Variants in SMARCA4 observed in about 807,000 individuals in gnomAD.
SMARCA4 encodes SWI/SNF related BAF chromatin remodeling complex subunit ATPase 4, also known as SWI/SNF-related matrix-associated actin-dependent regulator of chromatin subfamily A member 4.
SMARCA4 carries 31 observed loss-of-function variants against 193.9 expected under a neutral mutation model. The observed-to-expected ratio is 0.16, with a 90% CI of 0.12 to 0.22. The LOEUF (loss-of-function observed/expected upper bound fraction) is 0.22. Among genes scored for constraint, SMARCA4 ranks in the 10% least tolerant of loss-of-function variants. SMARCA4 has a pLI of 1.00. For missense variants in SMARCA4, 1,148 were observed against 2,296.0 expected, an observed-to-expected ratio of 0.50 and a Z score of 10.22; for synonymous variants, 942 against 933.1, an observed-to-expected ratio of 1.01 and a Z score of -0.17.
At chr19:10,977,255 C>T (rs565068458) in intron 1 of SMARCA4, among the ~76,000 whole-genome samples, 22 of 152,192 alleles carry the variant, frequency 1.4e-4, no homozygotes, top group South Asian at 1.2e-3. Context: ...CTGAGCATTG[C>T]GGGGCAGGAG....
intron 24 of SMARCA4, among the ~76,000 whole-genome samples, chr19:11,028,730 C>T (rs1023196313): frequency 2.0e-5 from 3 of 152,196 alleles, no homozygotes; most frequent in Non-Finnish European, 4.4e-5. Flanking sequence ...TGTGAGATGC[C>T]GACAGGGCAC....
At chr19:10,976,854 A>T (rs2145616792) in intron 1 of SMARCA4, among the ~76,000 whole-genome samples, 1 of 151,710 alleles carries the variant, frequency 6.6e-6, no homozygotes, top group South Asian at 2.1e-4. Flanking sequence ...CAGGAGTTTG[A>T]GACCAGCCTG....
rs530837160 is a variant in SMARCA4, at chr19:10,966,660, C to T, written c.-32+5486C>T. ...CTAGCACTTTGGGAGCCGAGGCGGG[C>T]GGATCGCCTGAGCTCAGGAGTTCAA... is the stretch of plus-strand genomic sequence containing the variant. On this transcript the variant is annotated intron_variant, in intron 1 of 34. Transcript: ENST00000344626. 5.4e-5 allele frequency among the ~76,000 whole-genome samples: 8 copies of T among 148,792 alleles called. No individual in the cohort carries two copies. In the South Asian group the frequency reaches 6.4e-4, roughly 12 times the overall value.
At position 10,984,725 on chromosome 19, in the gene SMARCA4, C is replaced by T. The variant is rs989743767; in HGVS notation, c.222+352C>T. On this transcript the variant is annotated intron_variant, in intron 2 of 34. Coordinates refer to ENST00000344626, the MANE Select transcript of SMARCA4 (RefSeq NM_003072.5). This position sits in a 1 kb window ranked among gnomAD's most constrained non-coding sequence, Gnocchi z 4.3. ...AGGCTTTTAGCCACGTGGTTTCCCCCGTTCTGGCTGTCAGGCTCACCTGTG... is the reference window on the plus strand; with the variant it reads ...AGGCTTTTAGCCACGTGGTTTCCCCTGTTCTGGCTGTCAGGCTCACCTGTG... Among the ~76,000 whole-genome samples the T allele has an allele frequency of 1.3e-5, 2 of 152,234 alleles. No homozygotes were observed. Among genetic ancestry groups the T allele is most frequent in the Non-Finnish European group, 2.9e-5 (2 of 68,038 alleles).
At position 11,014,525 on chromosome 19, in the gene SMARCA4, C is replaced by T. The variant is rs981131986; in HGVS notation, c.2438+1413C>T. Among the ~76,000 whole-genome samples, 10 of 152,316 alleles carry T rather than the reference C, an allele frequency of 6.6e-5. No homozygotes were observed. In the South Asian group the frequency reaches 2.1e-3, roughly 32 times the overall value. On this transcript the variant is annotated intron_variant, in intron 16 of 34. Transcript: ENST00000344626. ...GATTGCTACAGCGTTCCTGCTGCACCTGCCTGAGCTCTGTCCCCTGTCTGT... is the reference window on the plus strand; with the variant it reads ...GATTGCTACAGCGTTCCTGCTGCACTTGCCTGAGCTCTGTCCCCTGTCTGT...
At chr19:11,011,203 G>A (rs2088808573) in intron 15 of SMARCA4, 1 of 153,008 alleles carries the variant, frequency 6.5e-6, no homozygotes, top group Admixed American at 6.5e-5. Context: ...GCTCTCTCTG[G>A]TTTTCAATTT....
intron 11 of SMARCA4, among the ~76,000 whole-genome samples, chr19:10,997,193 TTTTATTTA>T (rs889578704): frequency 2.0e-5 from 3 of 151,414 alleles, no homozygotes; most frequent in East Asian, 1.9e-4. Context: ...TTAATTTTAT[TTTTATTTA>T]TTTATTTATT....
At chr19:10,964,424 ACT>A (rs903352045) in intron 1 of SMARCA4, among the ~76,000 whole-genome samples, 3 of 144,776 alleles carry the variant, frequency 2.1e-5, no homozygotes, top group Admixed American at 1.4e-4. Flanking sequence ...GATTCTTCTG[ACT>A]CAGCCTCCTG....
At chr19:11,005,857 C>T (rs1283522325) in intron 13 of SMARCA4, among the ~76,000 whole-genome samples, 3 of 152,358 alleles carry the variant, frequency 2.0e-5, no homozygotes, top group East Asian at 1.9e-4. Context: ...TTGGTCAACT[C>T]GCTGAGCTCT....
chr19:11,043,787 A>G (rs2075750343), intron 30 of SMARCA4, among the ~76,000 whole-genome samples: 1 of 152,250 alleles, frequency 6.6e-6, no homozygotes, highest in African/African-American at 2.4e-5. Flanking sequence ...CAGTCTGGCC[A>G]ACATGGCAAA....
At chr19:11,057,542 A>G (rs529466866) in intron 30 of SMARCA4, among the ~76,000 whole-genome samples, 7 of 152,264 alleles carry the variant, frequency 4.6e-5, no homozygotes, top group Non-Finnish European at 8.8e-5. Flanking sequence ...CATCCTGACC[A>G]ACATGGTGAA....
At chr19:10,971,453 G>T (rs1004710446) in intron 1 of SMARCA4, among the ~76,000 whole-genome samples, 7 of 151,230 alleles carry the variant, frequency 4.6e-5, no homozygotes, top group African/African-American at 1.5e-4. Flanking sequence ...TGCTTGATTA[G>T]ATTTATAGCA....
intron 16 of SMARCA4, 78 bp from the exon 17 acceptor site, chr19:11,018,879 C>G (rs1442722005): frequency 2.2e-5 from 27 of 1,225,604 alleles, no homozygotes; most frequent in Non-Finnish European, 3.0e-5. Flanking sequence ...TCGCCCCTGA[C>G]AGCCAGTGGC....
chr19:11,003,684 T>C (rs943897199), intron 13 of SMARCA4, among the ~76,000 whole-genome samples: 2 of 152,116 alleles, frequency 1.3e-5, no homozygotes, highest in South Asian at 4.1e-4. Flanking sequence ...GCATCCCTTA[T>C]CTGGGAATGG....
At position 11,019,780 on chromosome 19, in the gene SMARCA4, C is replaced by G; in HGVS notation, c.2616+79C>G. On this transcript the variant is annotated intron_variant, in intron 18 of 34. Coordinates refer to ENST00000344626, the MANE Select transcript of SMARCA4 (RefSeq NM_003072.5). The surrounding 1 kb of genome is among the most constrained non-coding windows in gnomAD (Gnocchi z 6.1). ...GTCACGCTGCCCGTCTCCTCCAAAG[C>G]CCCTACAAGTTTCTTCCCGGAGTCC... 2 of 996,204 alleles carry G rather than the reference C, an allele frequency of 2.0e-6. No individual in the cohort carries two copies. The highest frequency in any genetic ancestry group is 2.7e-5 in the South Asian group (2 of 74,266). 61.7% of individuals were successfully genotyped at this position (996,204 alleles called of 1,614,324 possible).
In SMARCA4 at chr19:11,024,434, A is replaced by G; in HGVS notation, c.3077A>G (p.Lys1026Arg). The change falls in exon 21 of 35, where the codon AAG (lysine) becomes AGG (arginine). Residue 1026 changes from lysine (K) to arginine (R), a missense_variant. Physicochemically the swap from Lys to Arg is conservative, Grantham distance 26 (BLOSUM62 2). Coordinates refer to ENST00000344626, the MANE Select transcript of SMARCA4 (RefSeq NM_003072.5). ...VLLTDGSEKD[K>R]KGKGGTKTLM... ...CTGACTGATGGCTCCGAGAAGGACA[A>G]GAAGGTGGGCCCCAGAGTCCCCCAA... 1 of 1,608,658 alleles carries G rather than the reference A, an allele frequency of 6.2e-7. No individual in the cohort carries two copies.
intron 8 of SMARCA4, 114 bp downstream of exon 8, chr19:10,991,437 T>C: frequency 1.3e-6 from 2 of 1,494,834 alleles, no homozygotes; most frequent in Non-Finnish European, 1.8e-6. Context: ...CTTGTCTCTC[T>C]CTTTTGCTCA....
At chr19:11,010,741 A>T (rs1031871559) in intron 15 of SMARCA4, among the ~76,000 whole-genome samples, 3 of 152,150 alleles carry the variant, frequency 2.0e-5, no homozygotes, top group Non-Finnish European at 4.4e-5. Context: ...GCAACAGCAG[A>T]AAGTCAGTGT....
rs939881971 is a variant in SMARCA4 at position 11,061,200 on chromosome 19, AAAAAATATATATATATATATATAT to A, written c.4912-582_4912-559del. 2.1e-4 allele frequency among the ~76,000 whole-genome samples: 15 copies of A among 70,568 alleles called. 1 individual carries two copies. Among genetic ancestry groups the A allele is most frequent in the South Asian group, 1.7e-3 (4 of 2,328 alleles). 46.3% of individuals were successfully genotyped at this position (70,568 alleles called of 152,430 possible). A position where few individuals can be genotyped will look rare whatever the true frequency, so the allele number is the denominator to read the frequency against. On this transcript the variant is annotated intron_variant, in intron 34 of 34. Transcript: ENST00000344626. Reference sequence around the variant, plus strand: ...AAGACCCTGTCTTTAAAAAAAAAAAAAAAAATATATATATATATATATATATATATATATATATATATGAAAGAG... The same window carrying A: ...AAGACCCTGTCTTTAAAAAAAAAAAAATATATATATATATATATGAAAGAG...
Sources: gnomAD v4.1 joint callset for allele counts (sites outside exome capture counted in the v4.1 genomes callset) on GRCh38, gnomAD v4.1.1 for gene constraint, Gnocchi (gnomAD v3.1) non-coding constraint, MANE v1.5 for transcripts, NCBI Gene and HGNC (gene_info 2026-07-23, HGNC 2026-07-21) for gene names.